Variants in MEI4 observed in about 807,000 individuals in gnomAD.
MEI4 encodes the protein meiotic double-stranded break formation protein 4, also known as meiosis-specific protein MEI4.
Under a neutral mutation model 31.4 loss-of-function variants are expected in MEI4, and 27 were observed. The ratio of observed to expected loss-of-function variants is 0.86; its 90% CI spans 0.63 to 1.19. The LOEUF (loss-of-function observed/expected upper bound fraction) is 1.19, where lower values mean the gene tolerates loss of function less well. Ranked by LOEUF, MEI4 falls within the 50% of genes most tolerant of loss-of-function variation. MEI4 has a pLI of 0.00. For missense variants in MEI4, 329 were observed against 398.9 expected (o/e 0.82, Z 1.49); for synonymous variants, 122 against 145.4 (o/e 0.84, Z 1.16).
At chr6:77,747,353 C>A (rs1486642739) in intron 2 of MEI4, among the ~76,000 whole-genome samples, 3 of 152,066 alleles carry the variant, frequency 2.0e-5, no homozygotes, top group Non-Finnish European at 4.4e-5. Context: ...TGCCTGGAGA[C>A]TGTATAGTTT....
intron 4 of MEI4, among the ~76,000 whole-genome samples, chr6:77,903,449 G>A (rs889294790): frequency 1.3e-5 from 2 of 152,058 alleles, no homozygotes; most frequent in Non-Finnish European, 2.9e-5. Context: ...GGTAAACTAG[G>A]CTAAACTATG....
chr6:77,859,711 T>A (rs1770824853), intron 4 of MEI4, among the ~76,000 whole-genome samples: 1 of 152,088 alleles, frequency 6.6e-6, no homozygotes, highest in Non-Finnish European at 1.5e-5. Context: ...TTATTGGGGC[T>A]ACTCGTGCAT....
At chr6:77,674,225 G>T (rs934069372) in intron 1 of MEI4, among the ~76,000 whole-genome samples, 1 of 152,092 alleles carries the variant, frequency 6.6e-6, no homozygotes, top group Non-Finnish European at 1.5e-5. Flanking sequence ...TTAGGCCCTT[G>T]TTTTTAAGTC....
chr6:77,863,029 G>C (rs1169527606), intron 4 of MEI4, among the ~76,000 whole-genome samples: 1 of 152,140 alleles, frequency 6.6e-6, no homozygotes, highest in African/African-American at 2.4e-5. Context: ...CTGTTAGAAG[G>C]AAAACTAACA....
intron 1 of MEI4, among the ~76,000 whole-genome samples, chr6:77,654,110 A>G (rs1768345636): frequency 6.6e-6 from 1 of 152,230 alleles, no homozygotes; most frequent in South Asian, 2.1e-4. Context: ...TGTCTGTTTC[A>G]ATGAAATGTG....
At chr6:77,907,729 C>A (rs1766331649) in intron 4 of MEI4, among the ~76,000 whole-genome samples, 1 of 152,262 alleles carries the variant, frequency 6.6e-6, no homozygotes. Flanking sequence ...TCCACACTGA[C>A]TGCCACAATG....
At chr6:77,917,068 A>C (rs1766576322) in intron 4 of MEI4, among the ~76,000 whole-genome samples, 1 of 151,146 alleles carries the variant, frequency 6.6e-6, no homozygotes, top group African/African-American at 2.4e-5. Flanking sequence ...ATGATTTCCA[A>C]TTTCATCCAT....
intron 4 of MEI4, among the ~76,000 whole-genome samples, chr6:77,835,797 T>G (rs1465631302): frequency 1.3e-5 from 2 of 152,086 alleles, no homozygotes; most frequent in Non-Finnish European, 2.9e-5. Flanking sequence ...CTTGATGTGG[T>G]GTATCTAAAA....
intron 2 of MEI4, among the ~76,000 whole-genome samples, chr6:77,710,878 C>G (rs1582048057): frequency 6.6e-6 from 1 of 152,282 alleles, no homozygotes; most frequent in South Asian, 2.1e-4. Flanking sequence ...ATTATTTTTT[C>G]TATAGTCAAC....
At chr6:77,864,213 C>G (rs1277379968) in intron 4 of MEI4, among the ~76,000 whole-genome samples, 1 of 152,128 alleles carries the variant, frequency 6.6e-6, no homozygotes, top group Non-Finnish European at 1.5e-5. Flanking sequence ...ATGGCAGGAT[C>G]AAATTCACAT....
chr6:77,721,857 A>G (rs1334576629), intron 2 of MEI4, among the ~76,000 whole-genome samples: 1 of 99,108 alleles, frequency 1.0e-5, no homozygotes, highest in Non-Finnish European at 2.1e-5. Flanking sequence ...CTGCTTGCAG[A>G]AATGTATAAC....
chr6:77,831,755 G>A (rs1215670871), intron 4 of MEI4, among the ~76,000 whole-genome samples: 1 of 151,920 alleles, frequency 6.6e-6, no homozygotes, highest in Non-Finnish European at 1.5e-5. Context: ...CAGAGGCAGG[G>A]AAGGGAAGAG....
intron 4 of MEI4, among the ~76,000 whole-genome samples, chr6:77,873,871 C>T (rs972385015): frequency 1.7e-4 from 26 of 152,272 alleles, no homozygotes; most frequent in African/African-American, 5.8e-4. Flanking sequence ...AATCCCTTCC[C>T]CATTGCTTGT....
At chr6:77,729,248 G>T (rs913790631) in intron 2 of MEI4, among the ~76,000 whole-genome samples, 2 of 152,170 alleles carry the variant, frequency 1.3e-5, no homozygotes, top group African/African-American at 4.8e-5. Flanking sequence ...TATGCCTAGT[G>T]TCCCATTACT....
intron 3 of MEI4, among the ~76,000 whole-genome samples, chr6:77,808,604 T>C (rs1435217862): frequency 3.3e-5 from 5 of 152,112 alleles, no homozygotes; most frequent in Admixed American, 1.3e-4. Flanking sequence ...AGGCAACAGA[T>C]GAAAAGAGGA....
At chr6:77,842,602 C>T (rs115369329) in intron 4 of MEI4, among the ~76,000 whole-genome samples, 42 of 152,198 alleles carry the variant, frequency 2.8e-4, no homozygotes, top group African/African-American at 1.0e-3. Context: ...CTTTTAATAT[C>T]TGTAATGATG....
intron 4 of MEI4, among the ~76,000 whole-genome samples, chr6:77,893,258 A>G (rs1766005168): frequency 6.6e-6 from 1 of 152,034 alleles, no homozygotes; most frequent in African/African-American, 2.4e-5. Flanking sequence ...GGCTACAAGA[A>G]CCATTTTTTT....
chr6:77,676,317 A>T (rs1015807165), intron 1 of MEI4, among the ~76,000 whole-genome samples: 1 of 152,006 alleles, frequency 6.6e-6, no homozygotes, highest in Admixed American at 6.6e-5. Context: ...TAATAATAAT[A>T]ATAAAAGATT....
chr6:77,731,937 T>C lies in MEI4; in HGVS notation c.233-29193T>C, dbSNP rs564974321. Among the ~76,000 whole-genome samples the C allele has an allele frequency of 6.5e-4, 98 of 150,534 alleles. 1 individual carries two copies. Among genetic ancestry groups the C allele is most frequent in the African/African-American group, 2.4e-3 (96 of 40,554 alleles). On this transcript the variant is annotated intron_variant, in intron 2 of 4. Coordinates refer to ENST00000684080, the MANE Select transcript of MEI4 (RefSeq NM_001322247.2). ...AGGTTTGTCAAAGATCAGATAGTTG[T>C]ACATATGCGGCATTATTTCTGAGGG...
Sources: allele counts gnomAD v4.1 joint callset (sites outside exome capture counted in the v4.1 genomes callset), GRCh38; gene constraint gnomAD v4.1.1; transcripts MANE v1.5; gene names NCBI Gene and HGNC (gene_info 2026-07-23, HGNC 2026-07-21).